The following SBF2 variants were observed in gnomAD, a reference collection of about 807,000 sequenced individuals.
SBF2 encodes SET binding factor 2, also known as myotubularin-related protein 13.
Under a neutral mutation model 225.2 loss-of-function variants are expected in SBF2, and 112 were observed. That is an observed-to-expected ratio of 0.50 (90% CI 0.43 to 0.58). The LOEUF (loss-of-function observed/expected upper bound fraction) is 0.58. SBF2 is among the 20% of genes least tolerant of loss of function. SBF2 has a pLI of 0.00. For synonymous variants in SBF2, 763 were observed against 773.3 expected, an observed-to-expected ratio of 0.99 and a Z score of 0.22; for missense variants, 1,996 against 2,206.2, an observed-to-expected ratio of 0.90 and a Z score of 1.91.
intron 2 of SBF2, among the ~76,000 whole-genome samples, chr11:10,191,903 C>T (rs1006013971): frequency 6.6e-6 from 1 of 151,002 alleles, no homozygotes; most frequent in African/African-American, 2.4e-5. Flanking sequence ...AGCTAAATAG[C>T]TATGCCAATC....
chr11:10,091,696 C>T (rs926863136), intron 2 of SBF2, among the ~76,000 whole-genome samples: 13 of 152,210 alleles, frequency 8.5e-5, no homozygotes, highest in Middle Eastern at 6.8e-3. Flanking sequence ...AAAGTATTGG[C>T]ATTATGGATA....
At chr11:10,051,723 G>A (rs1368393689) in intron 2 of SBF2, among the ~76,000 whole-genome samples, 1 of 151,948 alleles carries the variant, frequency 6.6e-6, no homozygotes, top group Non-Finnish European at 1.5e-5. Flanking sequence ...CATAGACATA[G>A]TCTATGTTAC....
intron 28 of SBF2, among the ~76,000 whole-genome samples, chr11:9,818,700 T>G (rs1421709498): frequency 6.6e-6 from 1 of 152,230 alleles, no homozygotes; most frequent in Non-Finnish European, 1.5e-5. Context: ...GAAAAGTTTT[T>G]ATTGGTCATT....
chr11:9,785,250 A>T lies in SBF2; in HGVS notation c.5106T>A (p.Ser1702=), dbSNP rs771743898. Reference sequence around the variant, plus strand: ...TGCTGCTGTCTGGGAGATGTAGCAGAGACCTCTTCTGATAGGAAGGTAGGT... The same window carrying T: ...TGCTGCTGTCTGGGAGATGTAGCAGTGACCTCTTCTGATAGGAAGGTAGGT... ...STNLPSYQKR[S]LLHLPDSSMG... The change falls in exon 37 of 40, where the codon TCT becomes TCA. Residue 1702 remains serine (S), a synonymous_variant. Coordinates refer to ENST00000256190, the MANE Select transcript of SBF2 (RefSeq NM_030962.4). 1 of 1,614,224 alleles carries T rather than the reference A, an allele frequency of 6.2e-7. No homozygotes were observed. The highest frequency in any genetic ancestry group is 2.2e-5 in the East Asian group (1 of 44,890).
Position 9,998,369 on chromosome 11 carries a change from A to G in SBF2, c.872T>C (p.Ile291Thr). The change falls in exon 9 of 40, where the codon ATC (isoleucine) becomes ACC (threonine). Residue 291 changes from isoleucine (I) to threonine (T), a missense_variant. Ile to Thr is a moderately conservative substitution (Grantham distance 89). Transcript: ENST00000256190. ...AGTGCCTCCATCCAAATCTGCTATG[A>G]TTACATCTAACTGAAAGAGATAAAA... ...KTDVHELLDV[I>T]IADLDGGTIK... is the part of the protein sequence containing the mutation. 1 of 1,561,500 alleles carries G rather than the reference A, an allele frequency of 6.4e-7. No homozygotes were observed.
At position 9,913,328 on chromosome 11, in the gene SBF2, C is replaced by T. The variant is rs187065573; in HGVS notation, c.1861-17317G>A. On this transcript the variant is annotated intron_variant, in intron 16 of 39. Transcript: ENST00000256190. ...AATGTCCAAGAGACATGAAAAATTGCTCAACTTCAGTAGTAAATGCAAATT... is the reference window on the plus strand; with the variant it reads ...AATGTCCAAGAGACATGAAAAATTGTTCAACTTCAGTAGTAAATGCAAATT... Among the ~76,000 whole-genome samples, 29 of 152,184 alleles carry T rather than the reference C, an allele frequency of 1.9e-4. 1 individual carries two copies. In the East Asian group the frequency reaches 5.2e-3, roughly 27 times the overall value.
At chr11:10,146,966 A>T (rs1424298267) in intron 2 of SBF2, among the ~76,000 whole-genome samples, 1 of 152,090 alleles carries the variant, frequency 6.6e-6, no homozygotes, top group East Asian at 1.9e-4. Flanking sequence ...AAAAAAGCTC[A>T]ATTTCACTAA....
chr11:10,235,321 G>T (rs1959022374), intron 1 of SBF2, among the ~76,000 whole-genome samples: 1 of 152,210 alleles, frequency 6.6e-6, no homozygotes, highest in Admixed American at 6.5e-5. Flanking sequence ...GATCACCTGA[G>T]GTGAAGAGTT....
chr11:10,033,663 A>AACACACACACAC (rs66939707), intron 3 of SBF2, among the ~76,000 whole-genome samples: 208 of 149,770 alleles, frequency 1.4e-3, no homozygotes, highest in African/African-American at 2.7e-3. Flanking sequence ...GCTGTGATTA[A>AACACACACACAC]ACACACACAC....
In SBF2 at chr11:9,950,367, C is replaced by T. The variant is rs1026430579; in HGVS notation, c.1860+11590G>A. Reference sequence around the variant, plus strand: ...TTTCAAATGTTAGCTCTGATCTCCCCCCTTCCCAAACTTAACAAATCAGAA... The same window carrying T: ...TTTCAAATGTTAGCTCTGATCTCCCTCCTTCCCAAACTTAACAAATCAGAA... On this transcript the variant is annotated intron_variant, in intron 16 of 39. Coordinates refer to ENST00000256190, the MANE Select transcript of SBF2 (RefSeq NM_030962.4). Among the ~76,000 whole-genome samples the T allele has an allele frequency of 2.0e-5, 3 of 152,260 alleles. No individual in the cohort carries two copies. The East Asian group carries it at 5.8e-4, about 29-fold the overall frequency.
chr11:10,063,854 C>G (rs555934065), intron 2 of SBF2, among the ~76,000 whole-genome samples: 30,774 of 125,242 alleles, frequency 0.25, 3,823 homozygotes, highest in Non-Finnish European at 0.33. Flanking sequence ...CACACACACA[C>G]ACACAGAGAG....
chr11:9,938,925 T>C (rs1865072732), intron 16 of SBF2, among the ~76,000 whole-genome samples: 2 of 152,020 alleles, frequency 1.3e-5, no homozygotes, highest in South Asian at 2.1e-4. Flanking sequence ...AGATAAATAA[T>C]GTATTTGGGA....
At chr11:10,174,206 G>T (rs943819001) in intron 2 of SBF2, among the ~76,000 whole-genome samples, 2 of 152,130 alleles carry the variant, frequency 1.3e-5, no homozygotes, top group Non-Finnish European at 2.9e-5. Context: ...GACGATCAAA[G>T]TACTCTGAGC....
chr11:10,235,686 A>T (rs1406831550), intron 1 of SBF2, among the ~76,000 whole-genome samples: 1 of 152,244 alleles, frequency 6.6e-6, no homozygotes, highest in East Asian at 1.9e-4. Flanking sequence ...TTTCTCAATG[A>T]CTATCACTGA....
intron 1 of SBF2, among the ~76,000 whole-genome samples, chr11:10,292,187 T>TG (rs936465328): frequency 4.8e-4 from 73 of 152,364 alleles, no homozygotes; most frequent in African/African-American, 1.7e-3. Context: ...GAGAACTAGA[T>TG]GGAGTACTGT....
At chr11:10,043,056 A>G in intron 2 of SBF2, 75 bp from the exon 3 acceptor site, 2 of 1,467,446 alleles carry the variant, frequency 1.4e-6, no homozygotes, top group African/African-American at 1.4e-5. Flanking sequence ...GAAATTTTAA[A>G]TGTTTGCCCA....
rs1947507309 is a variant in SBF2, at chr11:9,992,970, A to G, written c.1167+20T>C. ...TAGAATATATTTTTTGGACAGATAC[A>G]ATATAGTACTCTATCTTACCTTGTG... On this transcript the variant is annotated intron_variant, in intron 11 of 39. Transcript: ENST00000256190. 5.9e-6 allele frequency: 9 copies of G among 1,514,066 alleles called. No homozygotes were observed. The highest frequency in any genetic ancestry group is 8.2e-6 in the Non-Finnish European group (9 of 1,094,246). The allele number at this position is 1,514,066 out of a possible 1,614,324, so 93.8% of individuals were successfully genotyped here.
chr11:10,185,741 T>C (rs1956911220), intron 2 of SBF2, among the ~76,000 whole-genome samples: 1 of 152,032 alleles, frequency 6.6e-6, no homozygotes, highest in Non-Finnish European at 1.5e-5. Context: ...TAGATCTCCT[T>C]ATCTCGTACT....
Position 10,133,382 on chromosome 11 carries a change from C to G in SBF2, c.141+60520G>C, listed in dbSNP as rs547007814. Among the ~76,000 whole-genome samples, 6 of 149,486 alleles carry G rather than the reference C, an allele frequency of 4.0e-5. 2 individuals carry two copies. Among genetic ancestry groups the G allele is most frequent in the African/African-American group, 1.5e-4 (6 of 40,564 alleles). Reference sequence around the variant, plus strand: ...TGGTGCTTGTCGGGGAGGCTCGGGCCGCACAGGAGCCCATGGAGTGGGTGG... The same window carrying G: ...TGGTGCTTGTCGGGGAGGCTCGGGCGGCACAGGAGCCCATGGAGTGGGTGG... On this transcript the variant is annotated intron_variant, in intron 2 of 39. Transcript: ENST00000256190.
Sources: allele counts gnomAD v4.1 joint callset (sites outside exome capture counted in the v4.1 genomes callset), GRCh38; gene constraint gnomAD v4.1.1; transcripts MANE v1.5; gene names NCBI Gene and HGNC (gene_info 2026-07-23, HGNC 2026-07-21).